The following GPC6 variants were observed in gnomAD, a reference collection of about 807,000 sequenced individuals.
GPC6 encodes the protein glypican 6, also known as glypican-6.
In GPC6, 14 loss-of-function variants were observed where a neutral mutation model predicts 55.2. That is an observed-to-expected ratio of 0.25 (90% CI 0.17 to 0.40). The LOEUF is 0.40. Ranked by LOEUF, GPC6 falls within the 10% of genes least tolerant of loss-of-function variation. GPC6 has a pLI of 1.00. For missense variants in GPC6, 641 were observed against 708.5 expected, an observed-to-expected ratio of 0.90 and a Z score of 1.08; for synonymous variants, 278 against 259.6, an observed-to-expected ratio of 1.07 and a Z score of -0.68.
At chr13:93,788,549 T>A (rs1885888987) in intron 2 of GPC6, among the ~76,000 whole-genome samples, 1 of 101,752 alleles carries the variant, frequency 9.8e-6, no homozygotes, top group African/African-American at 3.3e-5. Context: ...ACACACCTTG[T>A]CTGCTTGACA....
intron 2 of GPC6, among the ~76,000 whole-genome samples, chr13:93,730,437 G>C (rs1883782266): frequency 6.6e-6 from 1 of 152,142 alleles, no homozygotes; most frequent in South Asian, 2.1e-4. Flanking sequence ...AAATGTCCTT[G>C]TTGCTGTTTC....
At chr13:93,266,903 G>C (rs951622196) in intron 1 of GPC6, among the ~76,000 whole-genome samples, 1 of 152,100 alleles carries the variant, frequency 6.6e-6, no homozygotes, top group African/African-American at 2.4e-5. Context: ...TATTTCTCAA[G>C]AGGCACAAAG....
intron 1 of GPC6, among the ~76,000 whole-genome samples, chr13:93,530,603 G>T (rs1256966177): frequency 6.6e-6 from 1 of 152,062 alleles, no homozygotes; most frequent in Non-Finnish European, 1.5e-5. Context: ...GCGCATATTG[G>T]TTTGTGAGAA....
intron 4 of GPC6, among the ~76,000 whole-genome samples, chr13:94,143,525 T>C (rs1887456117): frequency 6.6e-6 from 1 of 152,186 alleles, no homozygotes; most frequent in African/African-American, 2.4e-5. Flanking sequence ...TTATTAACTT[T>C]GTATTATGAA....
At chr13:93,869,296 G>A (rs1370114870) in intron 3 of GPC6, among the ~76,000 whole-genome samples, 1 of 151,784 alleles carries the variant, frequency 6.6e-6, no homozygotes, top group Non-Finnish European at 1.5e-5. Flanking sequence ...TCCCTCAGTT[G>A]GAGCTTAGAT....
intron 3 of GPC6, 63 bp from the exon 4 acceptor site, chr13:94,027,666 T>A: frequency 6.8e-7 from 1 of 1,474,762 alleles, no homozygotes; most frequent in Non-Finnish European, 9.5e-7. Flanking sequence ...CTATTTTGTC[T>A]TTTTTTCCTC....
chr13:94,367,604 C>A (rs1268991813), intron 6 of GPC6, among the ~76,000 whole-genome samples: 1 of 152,114 alleles, frequency 6.6e-6, no homozygotes, highest in East Asian at 1.9e-4. Flanking sequence ...GAAAAGGACC[C>A]CATCTATCTT....
intron 3 of GPC6, among the ~76,000 whole-genome samples, chr13:93,986,584 A>G (rs544224463): frequency 3.5e-4 from 53 of 152,328 alleles, no homozygotes; most frequent in African/African-American, 1.2e-3. Flanking sequence ...TGTATATTAT[A>G]CATATCCATT....
intron 1 of GPC6, among the ~76,000 whole-genome samples, chr13:93,529,473 A>G (rs1881777019): frequency 6.6e-6 from 1 of 151,484 alleles, no homozygotes; most frequent in Non-Finnish European, 1.5e-5. Context: ...TGCACCTCAA[A>G]ACATAGATGC....
chr13:93,826,188 C>T (rs1887241221), intron 2 of GPC6, among the ~76,000 whole-genome samples: 1 of 152,154 alleles, frequency 6.6e-6, no homozygotes, highest in Admixed American at 6.6e-5. Flanking sequence ...CCAGTTTATC[C>T]TCCATGTCAG....
At chr13:93,541,471 G>A (rs1443054788) in intron 1 of GPC6, among the ~76,000 whole-genome samples, 3 of 82,486 alleles carry the variant, frequency 3.6e-5, no homozygotes, top group Admixed American at 1.4e-4. Flanking sequence ...ATTGTGAATA[G>A]TGCCGCAATA....
chr13:93,689,021 A>G (rs1388873528), intron 2 of GPC6, among the ~76,000 whole-genome samples: 2 of 152,012 alleles, frequency 1.3e-5, no homozygotes, highest in Non-Finnish European at 2.9e-5. Context: ...AGGGGAACCT[A>G]GGTCATCTCT....
intron 2 of GPC6, among the ~76,000 whole-genome samples, chr13:93,791,798 G>T (rs1359043110): frequency 6.6e-6 from 1 of 152,196 alleles, no homozygotes; most frequent in African/African-American, 2.4e-5. Flanking sequence ...AGTTCAAAGT[G>T]ATTGTAAACT....
At chr13:93,547,182 A>C (rs1175999043) in intron 2 of GPC6, among the ~76,000 whole-genome samples, 1 of 18,044 alleles carries the variant, frequency 5.5e-5, no homozygotes, top group Non-Finnish European at 3.7e-4. Flanking sequence ...TACAAAAAAA[A>C]AAAAAAAAAA....
chr13:93,301,163 A>G (rs1033896940), intron 1 of GPC6, among the ~76,000 whole-genome samples: 7 of 152,222 alleles, frequency 4.6e-5, no homozygotes, highest in African/African-American at 1.7e-4. Flanking sequence ...TTGAGAACCT[A>G]ATAACCAATT....
At chr13:93,847,472 C>G (rs1287455773) in intron 3 of GPC6, among the ~76,000 whole-genome samples, 1 of 152,066 alleles carries the variant, frequency 6.6e-6, no homozygotes, top group African/African-American at 2.4e-5. Flanking sequence ...GTTTCACAAT[C>G]TTTGGGTAAA....
At chr13:93,653,018 T>C (rs1880485719) in intron 2 of GPC6, among the ~76,000 whole-genome samples, 2 of 152,206 alleles carry the variant, frequency 1.3e-5, no homozygotes, top group Admixed American at 6.5e-5. Context: ...AACACCTGAA[T>C]ACTGATTCAG....
chr13:94,359,821 G>A (rs1180787644), intron 6 of GPC6, among the ~76,000 whole-genome samples: 1 of 152,158 alleles, frequency 6.6e-6, no homozygotes, highest in Non-Finnish European at 1.5e-5. Context: ...TCCTCCAAGC[G>A]CTTTGGATTT....
chr13:93,539,728 G>A (rs1882212464), intron 1 of GPC6, among the ~76,000 whole-genome samples: 1 of 143,970 alleles, frequency 6.9e-6, no homozygotes, highest in South Asian at 2.2e-4. Flanking sequence ...TTTTGCTCTT[G>A]TTGTCCAGGC....
Sources: gnomAD v4.1 joint callset for allele counts (sites outside exome capture counted in the v4.1 genomes callset) on GRCh38, gnomAD v4.1.1 for gene constraint, MANE v1.5 for transcripts, NCBI Gene and HGNC (gene_info 2026-07-23, HGNC 2026-07-21) for gene names.